The following PARN variants were observed in gnomAD, a reference collection of about 807,000 sequenced individuals.
PARN encodes the protein poly(A)-specific ribonuclease.
In PARN, 71 loss-of-function variants were observed where a neutral mutation model predicts 102.8. The observed-to-expected ratio is 0.69, with a 90% CI of 0.57 to 0.84. PARN has a LOEUF of 0.84. Among genes scored for constraint, PARN ranks in the 40% least tolerant of loss-of-function variants. PARN has a pLI of 0.00. For synonymous variants in PARN, 261 were observed against 252.9 expected, an observed-to-expected ratio of 1.03 and a Z score of -0.30; for missense variants, 782 against 760.9, an observed-to-expected ratio of 1.03 and a Z score of -0.33.
chr16:14,473,509 A>G (rs1962867166), intron 22 of PARN, among the ~76,000 whole-genome samples: 1 of 152,242 alleles, frequency 6.6e-6, no homozygotes, highest in Non-Finnish European at 1.5e-5. Context: ...TAAGATAAAG[A>G]TAGAGATGTA....
chr16:14,584,644 A>T (rs780190384), intron 15 of PARN, 105 bp downstream of exon 15: 15 of 830,606 alleles, frequency 1.8e-5, no homozygotes, highest in Non-Finnish European at 2.8e-5. Context: ...ATCTTTACAG[A>T]TGCATTAAAT....
chr16:14,534,936 G>C (rs951398631), intron 21 of PARN, among the ~76,000 whole-genome samples: 1 of 151,364 alleles, frequency 6.6e-6, no homozygotes, highest in Non-Finnish European at 1.5e-5. Context: ...CCGGGTCCAA[G>C]CGATTCTCCT....
chr16:14,507,847 T>C (rs982807363), intron 21 of PARN, among the ~76,000 whole-genome samples: 2 of 152,192 alleles, frequency 1.3e-5, no homozygotes, highest in African/African-American at 4.8e-5. Context: ...AGTAAATAAA[T>C]TATGGCATAT....
chr16:14,503,308 C>T (rs1964718416), intron 21 of PARN, among the ~76,000 whole-genome samples: 1 of 152,044 alleles, frequency 6.6e-6, no homozygotes, highest in Admixed American at 6.5e-5. Context: ...AAACAACACT[C>T]AGAGAGCTGT....
At chr16:14,538,455 A>C (rs1169475512) in intron 21 of PARN, among the ~76,000 whole-genome samples, 1 of 152,074 alleles carries the variant, frequency 6.6e-6, no homozygotes, top group Non-Finnish European at 1.5e-5. Flanking sequence ...CCTGGCATCA[A>C]GTGATAACGC....
At chr16:14,478,679 T>C (rs2151592239) in intron 22 of PARN, among the ~76,000 whole-genome samples, 1 of 152,270 alleles carries the variant, frequency 6.6e-6, no homozygotes, top group African/African-American at 2.4e-5. Context: ...ACAACATAAT[T>C]GTGCACATAG....
intron 11 of PARN, 61 bp downstream of exon 11, chr16:14,604,085 G>C: frequency 2.1e-6 from 2 of 943,454 alleles, no homozygotes; most frequent in Non-Finnish European, 3.4e-6. Context: ...AAATAGACAG[G>C]AATAAATCAA....
intron 21 of PARN, chr16:14,501,485 T>TAAAAAAAAA (rs1964614612): frequency 1.0e-5 from 1 of 96,864 alleles, no homozygotes; most frequent in Admixed American, 1.1e-4. Flanking sequence ...GAATGAATGT[T>TAAAAAAAAA]AAAATGTAGG....
chr16:14,533,311 C>T (rs531805616), intron 21 of PARN, among the ~76,000 whole-genome samples: 2 of 152,174 alleles, frequency 1.3e-5, no homozygotes, highest in East Asian at 1.9e-4. Flanking sequence ...CAGGCCGAGG[C>T]AGGAGAATCA....
chr16:14,440,784 A>G (rs1960908959), intron 23 of PARN, among the ~76,000 whole-genome samples: 1 of 152,240 alleles, frequency 6.6e-6, no homozygotes, highest in Admixed American at 6.5e-5. Context: ...TTCCAGGTAT[A>G]TGACATTCTG....
At chr16:14,494,457 C>T (rs549839890) in intron 21 of PARN, among the ~76,000 whole-genome samples, 1 of 152,272 alleles carries the variant, frequency 6.6e-6, no homozygotes, top group East Asian at 1.9e-4. Flanking sequence ...GGAAAAGACA[C>T]TCAGGTCTTT....
At chr16:14,508,016 G>A (rs1964985170) in intron 21 of PARN, among the ~76,000 whole-genome samples, 2 of 152,154 alleles carry the variant, frequency 1.3e-5, no homozygotes, top group Admixed American at 1.3e-4. Context: ...AAATGATACT[G>A]TAAGAAAATA....
At chr16:14,601,596 A>C in intron 11 of PARN, among the ~76,000 whole-genome samples, 1 of 152,248 alleles carries the variant, frequency 6.6e-6, no homozygotes, top group East Asian at 1.9e-4. Context: ...TAAGATGATA[A>C]ATTTTGTTAT....
chr16:14,493,359 G>A (rs1055546028), intron 21 of PARN, among the ~76,000 whole-genome samples: 1 of 152,186 alleles, frequency 6.6e-6, no homozygotes, highest in Non-Finnish European at 1.5e-5. Context: ...GGGACTACAG[G>A]TGCATGCTAC....
At chr16:14,478,985 G>C (rs981074792) in intron 22 of PARN, among the ~76,000 whole-genome samples, 3 of 152,168 alleles carry the variant, frequency 2.0e-5, no homozygotes, top group Non-Finnish European at 2.9e-5. Context: ...GGCCAGGCTG[G>C]TCTTGAACTC....
intron 11 of PARN, 59 bp from the exon 12 acceptor site, chr16:14,600,019 T>TA: frequency 4.2e-6 from 4 of 962,188 alleles, no homozygotes; most frequent in South Asian, 3.5e-5. Flanking sequence ...TTATGTGAAT[T>TA]AAAAAACTAC....
intron 21 of PARN, among the ~76,000 whole-genome samples, chr16:14,550,197 A>G (rs1470739944): frequency 6.6e-6 from 1 of 151,896 alleles, no homozygotes; most frequent in African/African-American, 2.4e-5. Context: ...TAATAATTCA[A>G]TCCCTCTGGA....
At chr16:14,457,383 G>A (rs1435589634) in intron 22 of PARN, among the ~76,000 whole-genome samples, 1 of 152,144 alleles carries the variant, frequency 6.6e-6, no homozygotes, top group African/African-American at 2.4e-5. Context: ...GAGCATGACT[G>A]TTTCTGTGTT....
At chr16:14,484,997 T>C (rs992703610) in intron 21 of PARN, among the ~76,000 whole-genome samples, 2 of 152,032 alleles carry the variant, frequency 1.3e-5, no homozygotes, top group Admixed American at 6.6e-5. Context: ...GGCGGGAGGA[T>C]AACTTGAGCC....
Sources: allele counts gnomAD v4.1 joint callset (sites outside exome capture counted in the v4.1 genomes callset), GRCh38; gene constraint gnomAD v4.1.1; transcripts MANE v1.5; gene names NCBI Gene and HGNC (gene_info 2026-07-23, HGNC 2026-07-21).